Variants in PLB1 observed in about 807,000 individuals in gnomAD.
PLB1 encodes the protein phospholipase B1, also known as phospholipase B1, membrane-associated.
A neutral mutation model predicts 227.4 loss-of-function variants in PLB1; 242 were observed. The ratio of observed to expected loss-of-function variants is 1.06; its 90% CI spans 0.96 to 1.18. The LOEUF is 1.18. PLB1 is among the 50% of genes most tolerant of loss of function. PLB1 has a pLI of 0.00. For synonymous variants in PLB1, 757 were observed against 682.2 expected (o/e 1.11, Z -1.71); for missense variants, 1,858 against 1,816.3 (o/e 1.02, Z -0.42).
At chr2:28,598,868 C>T in intron 35 of PLB1, 108 bp downstream of exon 35, 1 of 933,810 alleles carries the variant, frequency 1.1e-6, no homozygotes. Context: ...CACTTAGCCA[C>T]TTGTGAGGCT....
chr2:28,596,939 T>TTA (rs1223626650), intron 33 of PLB1, among the ~76,000 whole-genome samples: 7 of 152,200 alleles, frequency 4.6e-5, no homozygotes, highest in African/African-American at 1.4e-4. Context: ...TCTTTGCTGG[T>TTA]GGGCTGGAAG....
At chr2:28,641,127 T>C (rs1348959249) in intron 57 of PLB1, 126 bp downstream of exon 57, 2 of 860,632 alleles carry the variant, frequency 2.3e-6, no homozygotes, top group East Asian at 2.9e-5. Flanking sequence ...ACTGCCGTCT[T>C]CTCAAATCCC....
chr2:28,497,228 T>C (rs1432577804), intron 1 of PLB1, among the ~76,000 whole-genome samples: 2 of 152,192 alleles, frequency 1.3e-5, no homozygotes, highest in East Asian at 1.9e-4. Context: ...ATGACAAATA[T>C]CTTGTTCCAC....
At chr2:28,630,201 C>T (rs1688404863) in intron 53 of PLB1, among the ~76,000 whole-genome samples, 2 of 152,138 alleles carry the variant, frequency 1.3e-5, no homozygotes, top group African/African-American at 4.8e-5. Flanking sequence ...GGGACAGAGC[C>T]ATTGTGGCTG....
chr2:28,523,572 C>G (rs1669833841), intron 4 of PLB1, among the ~76,000 whole-genome samples: 1 of 152,008 alleles, frequency 6.6e-6, no homozygotes, highest in South Asian at 2.1e-4. Flanking sequence ...TTAGCCACAG[C>G]CTCCCCTCTC....
intron 35 of PLB1, among the ~76,000 whole-genome samples, chr2:28,600,039 T>C (rs143429665): frequency 0.047 from 7,212 of 151,884 alleles, 568 homozygotes; most frequent in African/African-American, 0.16. Flanking sequence ...TCCCTAGTAG[T>C]TGGGACTACA....
chr2:28,568,927 C>T (rs915353950), intron 20 of PLB1, among the ~76,000 whole-genome samples: 1 of 152,128 alleles, frequency 6.6e-6, no homozygotes, highest in African/African-American at 2.4e-5. Context: ...TGAGTTCCTT[C>T]TACCTCCTAG....
intron 53 of PLB1, among the ~76,000 whole-genome samples, 181 bp downstream of exon 53, chr2:28,629,366 G>A (rs566595358): frequency 6.6e-6 from 1 of 152,302 alleles, no homozygotes; most frequent in East Asian, 1.9e-4. Context: ...CTGTATGCAA[G>A]GTGCCTCATT....
At position 28,562,540 on chromosome 2, in the gene PLB1, C is replaced by CAA. The variant is rs60393903; in HGVS notation, c.1148-483_1148-482dup. On this transcript the variant is annotated intron_variant, in intron 17 of 57. Transcript: ENST00000327757. ...CTGGAGACAGAGCAAGACTCTGTCT[C>CAA]AAAAAAAAAAAAAAAAAAAGTCAGT... Among the ~76,000 whole-genome samples the CAA allele has an allele frequency of 4.5e-4, 19 of 42,604 alleles. 1 individual carries two copies. Among genetic ancestry groups the CAA allele is most frequent in the South Asian group, 2.7e-3 (2 of 742 alleles). 27.9% of individuals were successfully genotyped at this position (42,604 alleles called of 152,430 possible).
chr2:28,566,255 G>T (rs1384572497), intron 19 of PLB1, among the ~76,000 whole-genome samples: 2 of 151,814 alleles, frequency 1.3e-5, no homozygotes, highest in African/African-American at 2.4e-5. Context: ...GGGGTGGGGG[G>T]GTGTGGAAAA....
intron 39 of PLB1, among the ~76,000 whole-genome samples, chr2:28,603,364 C>T (rs974414723): frequency 6.6e-6 from 1 of 152,188 alleles, no homozygotes; most frequent in African/African-American, 2.4e-5. Context: ...GTTTCTTAAA[C>T]TGGGCCATAA....
At position 28,589,497 on chromosome 2, in the gene PLB1, A is replaced by T; in HGVS notation, c.1863A>T (p.Glu621Asp). 6.2e-7 allele frequency: 1 copy of T among 1,614,200 alleles called. No homozygotes were observed. The highest frequency in any genetic ancestry group is 1.1e-5 in the South Asian group (1 of 91,090). Residue 621 changes from glutamate (E) to aspartate (D), a missense_variant, in exon 27 of 58, where the codon GAA becomes GAT. Physicochemically the swap from Glu to Asp is conservative, Grantham distance 45 (BLOSUM62 2). Coordinates refer to ENST00000327757, the MANE Select transcript of PLB1 (RefSeq NM_153021.5). ...LIESGRYDTREDFTVVVQPFF... is the reference protein window; with the variant it reads ...LIESGRYDTRDDFTVVVQPFF... ...AGAGTGGGCGATATGACACAAGGGAAGATTTTACTGTGGTTGTGCAGCCGT... is the reference window on the plus strand; with the variant it reads ...AGAGTGGGCGATATGACACAAGGGATGATTTTACTGTGGTTGTGCAGCCGT...
chr2:28,622,377 G>A (rs765112202), intron 49 of PLB1, among the ~76,000 whole-genome samples: 5 of 152,042 alleles, frequency 3.3e-5, no homozygotes, highest in African/African-American at 4.8e-5. Context: ...TACTTCTCAG[G>A]GTTGTCATAA....
chr2:28,554,928 CATTTAT>C (rs1674813919), intron 17 of PLB1, among the ~76,000 whole-genome samples: 1 of 151,944 alleles, frequency 6.6e-6, no homozygotes, highest in Non-Finnish European at 1.5e-5. Context: ...TGACAGGAGC[CATTTAT>C]ATAATAACAA....
At chr2:28,523,307 G>T (rs1376384507) in intron 4 of PLB1, among the ~76,000 whole-genome samples, 1 of 150,274 alleles carries the variant, frequency 6.7e-6, no homozygotes, top group Admixed American at 6.6e-5. Context: ...ACCTAAATAG[G>T]GTCATACTGC....
At chr2:28,636,824 G>T (rs774574814) in intron 56 of PLB1, among the ~76,000 whole-genome samples, 2 of 152,194 alleles carry the variant, frequency 1.3e-5, no homozygotes, top group Non-Finnish European at 2.9e-5. Flanking sequence ...ACGTCAGCAT[G>T]ATGGTGTAGA....
chr2:28,525,797 C>T, intron 5 of PLB1, 108 bp from the exon 6 acceptor site: 1 of 1,372,716 alleles, frequency 7.3e-7, no homozygotes, highest in South Asian at 1.3e-5. Flanking sequence ...AGAACCAGAG[C>T]AAGGCTAGGC....
chr2:28,507,184 G>A (rs776104944), intron 1 of PLB1, among the ~76,000 whole-genome samples: 1 of 152,194 alleles, frequency 6.6e-6, no homozygotes, highest in Non-Finnish European at 1.5e-5. Context: ...CTGCTTGTTC[G>A]TCTTCACCAT....
intron 9 of PLB1, among the ~76,000 whole-genome samples, chr2:28,535,875 A>T (rs1425495630): frequency 6.6e-6 from 1 of 152,160 alleles, no homozygotes; most frequent in African/African-American, 2.4e-5. Flanking sequence ...AGCTGAGATC[A>T]TGCCACTGCA....
Sources: allele counts gnomAD v4.1 joint callset (sites outside exome capture counted in the v4.1 genomes callset), GRCh38; gene constraint gnomAD v4.1.1; transcripts MANE v1.5; gene names NCBI Gene and HGNC (gene_info 2026-07-23, HGNC 2026-07-21).